The following KCNH8 variants were observed in gnomAD, a reference collection of about 807,000 sequenced individuals.
The protein encoded by KCNH8 is potassium voltage-gated channel subfamily H member 8, also known as voltage-gated delayed rectifier potassium channel KCNH8.
Under a neutral mutation model 103.6 loss-of-function variants are expected in KCNH8, and 70 were observed. That is an observed-to-expected ratio of 0.68 (90% CI 0.56 to 0.82). KCNH8 has a LOEUF of 0.82. Among genes scored for constraint, KCNH8 ranks in the 40% least tolerant of loss-of-function variants. KCNH8 has a pLI of 0.00. For synonymous variants in KCNH8, 498 were observed against 489.4 expected (o/e 1.02, Z -0.23); for missense variants, 1,217 against 1,329.9 (o/e 0.92, Z 1.32).
At chr3:19,259,034 C>T (rs1163614005) in intron 2 of KCNH8, among the ~76,000 whole-genome samples, 1 of 131,032 alleles carries the variant, frequency 7.6e-6, no homozygotes, top group East Asian at 2.4e-4. Flanking sequence ...ATTTTTATTT[C>T]TAAATAGTAA....
chr3:19,414,892 TTAATA>T (rs2066839370), intron 7 of KCNH8, among the ~76,000 whole-genome samples: 1 of 152,020 alleles, frequency 6.6e-6, no homozygotes, highest in Admixed American at 6.6e-5. Context: ...AAGTTTATGA[TTAATA>T]TAATAGAAAC....
intron 5 of KCNH8, among the ~76,000 whole-genome samples, chr3:19,385,158 G>T (rs764498066): frequency 7.2e-5 from 11 of 152,068 alleles, no homozygotes; most frequent in Non-Finnish European, 1.5e-4. Context: ...TGCTGCTGCT[G>T]AGAACAAAAC....
chr3:19,278,003 A>G (rs558510262), intron 2 of KCNH8, among the ~76,000 whole-genome samples: 1 of 152,110 alleles, frequency 6.6e-6, no homozygotes, highest in Non-Finnish European at 1.5e-5. Flanking sequence ...ACCCTAAGAG[A>G]GATTTGTTGC....
chr3:19,306,880 A>C (rs1194206262), intron 3 of KCNH8, among the ~76,000 whole-genome samples: 1 of 152,066 alleles, frequency 6.6e-6, no homozygotes, highest in Non-Finnish European at 1.5e-5. Flanking sequence ...TTTTCTGGAT[A>C]CACACAGACA....
intron 11 of KCNH8, among the ~76,000 whole-genome samples, chr3:19,496,037 T>A (rs1299749133): frequency 6.6e-6 from 1 of 152,192 alleles, no homozygotes; most frequent in African/African-American, 2.4e-5. Context: ...ACTGATTTTC[T>A]ACATTGATTT....
At chr3:19,311,497 A>T (rs570661657) in intron 3 of KCNH8, among the ~76,000 whole-genome samples, 1 of 151,110 alleles carries the variant, frequency 6.6e-6, no homozygotes, top group Non-Finnish European at 1.5e-5. Context: ...ATAATTAAAT[A>T]TATATTTAAT....
chr3:19,327,977 T>C (rs2065453394), intron 3 of KCNH8, among the ~76,000 whole-genome samples: 1 of 152,232 alleles, frequency 6.6e-6, no homozygotes, highest in Non-Finnish European at 1.5e-5. Flanking sequence ...ACTTAAGAGA[T>C]GCTCAATAAG....
Position 19,281,512 on chromosome 3 carries a change from T to G in KCNH8, c.442+183T>G, listed in dbSNP as rs796262296. On this transcript the variant is annotated intron_variant, in intron 3 of 15. Transcript: ENST00000328405. Reference sequence around the variant, plus strand: ...ACTCACATGCATTTACATTCTATCGTCTTTATAATAAAGACACACTTGACA... The same window carrying G: ...ACTCACATGCATTTACATTCTATCGGCTTTATAATAAAGACACACTTGACA... Among the ~76,000 whole-genome samples, 5 of 152,182 alleles carry G rather than the reference T, an allele frequency of 3.3e-5. 1 individual carries two copies. The highest frequency in any genetic ancestry group is 1.2e-4 in the African/African-American group (5 of 41,564).
chr3:19,412,117 G>A (rs992662574), intron 7 of KCNH8, among the ~76,000 whole-genome samples: 2 of 151,932 alleles, frequency 1.3e-5, no homozygotes, highest in African/African-American at 4.8e-5. Context: ...AAAGCTGAAG[G>A]CATCACATTA....
Position 19,342,603 on chromosome 3 carries a change from A to T in KCNH8, c.459A>T (p.Arg153Ser). ...EDKKEDKVKG[R>S]SRAGTHFDSA... ...TTCCCCCAGACAAAGTCAAAGGAAG[A>T]TCAAGAGCAGGGACCCACTTTGACT... The change falls in exon 4 of 16, where the codon AGA (arginine) becomes AGT (serine). Residue 153 changes from arginine (R) to serine (S), a missense_variant. By Grantham distance (110) the Arg-to-Ser change is moderately radical. Coordinates refer to ENST00000328405, the MANE Select transcript of KCNH8 (RefSeq NM_144633.3). 1 of 1,610,572 alleles carries T rather than the reference A, an allele frequency of 6.2e-7. No homozygotes were observed.
intron 5 of KCNH8, among the ~76,000 whole-genome samples, chr3:19,365,942 GC>G (rs1559494078): frequency 2.0e-5 from 3 of 152,098 alleles, no homozygotes; most frequent in Admixed American, 6.6e-5. Context: ...AAAGGGGACA[GC>G]CAGATGCTTT....
At chr3:19,217,869 T>C (rs2063832945) in intron 1 of KCNH8, among the ~76,000 whole-genome samples, 1 of 152,222 alleles carries the variant, frequency 6.6e-6, no homozygotes, top group South Asian at 2.1e-4. Context: ...TTTAGTTTGT[T>C]TGGGACTATG....
chr3:19,363,368 C>T (rs1287375817), intron 5 of KCNH8, among the ~76,000 whole-genome samples: 1 of 152,130 alleles, frequency 6.6e-6, no homozygotes, highest in Admixed American at 6.6e-5. Context: ...AGCTCCCCCT[C>T]CTTTTTTCCT....
intron 5 of KCNH8, among the ~76,000 whole-genome samples, chr3:19,368,193 A>G (rs1019300098): frequency 3.9e-5 from 6 of 152,044 alleles, no homozygotes; most frequent in African/African-American, 1.4e-4. Context: ...AGCATATTGA[A>G]GAAGTTGAAG....
chr3:19,274,393 A>G (rs539702107), intron 2 of KCNH8, among the ~76,000 whole-genome samples: 4 of 152,240 alleles, frequency 2.6e-5, no homozygotes, highest in African/African-American at 9.6e-5. Context: ...GGGCCTCTTT[A>G]TCTCCAGTTC....
chr3:19,383,577 T>C (rs1025015518), intron 5 of KCNH8, among the ~76,000 whole-genome samples: 1 of 152,166 alleles, frequency 6.6e-6, no homozygotes, highest in African/African-American at 2.4e-5. Flanking sequence ...TTCACCATGT[T>C]GGTCAGGCTG....
chr3:19,240,603 ACT>A (rs1328259173), intron 1 of KCNH8, among the ~76,000 whole-genome samples: 4 of 148,872 alleles, frequency 2.7e-5, no homozygotes, highest in Non-Finnish European at 4.4e-5. Flanking sequence ...CAAGAGCGAA[ACT>A]CTGTCTAAAA....
At chr3:19,501,240 C>A (rs1338136462) in intron 11 of KCNH8, among the ~76,000 whole-genome samples, 1 of 152,116 alleles carries the variant, frequency 6.6e-6, no homozygotes, top group East Asian at 1.9e-4. Context: ...GAAGTTGAAT[C>A]TCTGAATAGA....
intron 11 of KCNH8, among the ~76,000 whole-genome samples, chr3:19,481,276 T>C (rs1400462480): frequency 3.3e-5 from 5 of 152,152 alleles, no homozygotes; most frequent in East Asian, 1.9e-4. Context: ...AAATAATATA[T>C]ATTATACTCA....
Sources: allele counts gnomAD v4.1 joint callset (sites outside exome capture counted in the v4.1 genomes callset), GRCh38; gene constraint gnomAD v4.1.1; transcripts MANE v1.5; gene names NCBI Gene and HGNC (gene_info 2026-07-23, HGNC 2026-07-21).